The following PPFIA2 variants were observed in gnomAD, a reference collection of about 807,000 sequenced individuals.
The protein encoded by PPFIA2 is PPFI scaffold protein A2.
Under a neutral mutation model 175.5 loss-of-function variants are expected in PPFIA2, and 46 were observed. The observed-to-expected ratio is 0.26, with a 90% CI of 0.21 to 0.34. PPFIA2 has a LOEUF of 0.34. Ranked by LOEUF, PPFIA2 falls within the 10% of genes least tolerant of loss-of-function variation. PPFIA2 has a pLI of 1.00. For synonymous variants in PPFIA2, 568 were observed against 511.4 expected (o/e 1.11, Z -1.49); for missense variants, 1,179 against 1,506.1 (o/e 0.78, Z 3.60).
intron 4 of PPFIA2, among the ~76,000 whole-genome samples, chr12:81,618,409 T>A (rs1055008542): frequency 6.6e-6 from 1 of 152,018 alleles, no homozygotes; most frequent in Admixed American, 6.6e-5. Context: ...TAGTTAGCTT[T>A]AGCTAATGAT....
intron 24 of PPFIA2, among the ~76,000 whole-genome samples, chr12:81,289,026 C>A (rs1038580390): frequency 1.3e-5 from 2 of 151,742 alleles, no homozygotes; most frequent in African/African-American, 2.4e-5. Flanking sequence ...TAGGAGAAAA[C>A]CCACATAGGA....
chr12:81,552,676 GATA>G (rs1469904111), intron 4 of PPFIA2, among the ~76,000 whole-genome samples: 1 of 151,936 alleles, frequency 6.6e-6, no homozygotes, highest in Non-Finnish European at 1.5e-5. Context: ...TTTCCAAAAT[GATA>G]ATAATTCAAA....
chr12:81,728,428 C>A (rs1013911204), intron 3 of PPFIA2, among the ~76,000 whole-genome samples: 1 of 151,394 alleles, frequency 6.6e-6, no homozygotes, highest in Non-Finnish European at 1.5e-5. Context: ...CACTTTCAAT[C>A]ATTTATGTTT....
At chr12:81,580,674 A>G (rs1273457552) in intron 4 of PPFIA2, among the ~76,000 whole-genome samples, 1 of 151,734 alleles carries the variant, frequency 6.6e-6, no homozygotes, top group Non-Finnish European at 1.5e-5. Flanking sequence ...ATCAACAACT[A>G]CACACATGCA....
chr12:81,607,888 G>C (rs947506217), intron 4 of PPFIA2, among the ~76,000 whole-genome samples: 1 of 152,046 alleles, frequency 6.6e-6, no homozygotes, highest in Admixed American at 6.6e-5. Flanking sequence ...CAAGGGGGAC[G>C]GTTCTAGTTT....
intron 4 of PPFIA2, among the ~76,000 whole-genome samples, chr12:81,603,825 TA>T (rs60363527): frequency 0.27 from 28,204 of 103,174 alleles, 3,100 homozygotes; most frequent in Admixed American, 0.35. Context: ...CTATTCTGAC[TA>T]AAAAAAAAAA....
At chr12:81,335,485 G>A (rs997797509) in intron 21 of PPFIA2, among the ~76,000 whole-genome samples, 7 of 152,238 alleles carry the variant, frequency 4.6e-5, no homozygotes, top group African/African-American at 1.7e-4. Context: ...GCTCATGCTT[G>A]TAATCCCAGC....
intron 3 of PPFIA2, among the ~76,000 whole-genome samples, chr12:81,709,808 A>G (rs959105595): frequency 4.6e-5 from 7 of 152,038 alleles, no homozygotes; most frequent in African/African-American, 1.4e-4. Flanking sequence ...TTTTAAATAG[A>G]TATTTTTCAC....
intron 4 of PPFIA2, among the ~76,000 whole-genome samples, chr12:81,572,776 A>G (rs1318444558): frequency 3.3e-5 from 5 of 151,942 alleles, no homozygotes; most frequent in Non-Finnish European, 7.4e-5. Flanking sequence ...AGATCCTTTG[A>G]AGAACTGGCT....
intron 4 of PPFIA2, among the ~76,000 whole-genome samples, chr12:81,645,813 G>C (rs1451802796): frequency 6.6e-6 from 1 of 152,206 alleles, no homozygotes; most frequent in Admixed American, 6.6e-5. Context: ...CAGAATTCCT[G>C]AGGGCACCAT....
In PPFIA2 at chr12:81,457,832, C is replaced by T; in HGVS notation, c.338G>A (p.Cys113Tyr). ...TTCCTTTTCTAGAAGTTGTTCCCTG[C>T]AGGCATTTAATTCTTTTGTCAGTGC... The part of the protein sequence containing the change: ...FAALTKELNA[C>Y]REQLLEKEEE... The change falls in exon 5 of 33, where the codon TGC becomes TAC. Residue 113 changes from cysteine to tyrosine, a missense_variant. Cys to Tyr is a radical substitution (Grantham distance 194). Transcript: ENST00000549396. 1.2e-6 allele frequency: 2 copies of T among 1,608,870 alleles called. No individual in the cohort carries two copies. Among genetic ancestry groups the T allele is most frequent in the Non-Finnish European group, 1.7e-6 (2 of 1,177,734 alleles).
intron 4 of PPFIA2, among the ~76,000 whole-genome samples, chr12:81,634,693 G>A (rs1225643730): frequency 6.6e-6 from 1 of 152,044 alleles, no homozygotes; most frequent in African/African-American, 2.4e-5. Flanking sequence ...TTAGTTTTGA[G>A]AACCACATGA....
chr12:81,758,144 C>A (rs899291876), intron 2 of PPFIA2, among the ~76,000 whole-genome samples: 4 of 152,142 alleles, frequency 2.6e-5, no homozygotes, highest in Non-Finnish European at 4.4e-5. Context: ...CTCAGCCACA[C>A]CCCCCACCAC....
At chr12:81,690,170 T>C (rs2075050703) in intron 3 of PPFIA2, among the ~76,000 whole-genome samples, 1 of 152,080 alleles carries the variant, frequency 6.6e-6, no homozygotes, top group African/African-American at 2.4e-5. Context: ...GGATTGTGAA[T>C]CTTGAATGCA....
intron 4 of PPFIA2, among the ~76,000 whole-genome samples, chr12:81,548,014 T>G (rs143930512): frequency 0.012 from 1,889 of 152,344 alleles, 28 homozygotes; most frequent in Admixed American, 0.013. Flanking sequence ...CTAGGTACTA[T>G]AGCAAGTGCT....
At chr12:81,348,629 G>C (rs1962123) in intron 17 of PPFIA2, among the ~76,000 whole-genome samples, 1 of 151,722 alleles carries the variant, frequency 6.6e-6, no homozygotes. Flanking sequence ...CCAGCTACTC[G>C]GGAGGCTGAA....
rs1259651449 is a variant in PPFIA2 at position 81,642,738 on chromosome 12, T to C, written c.303+34053A>G. Among the ~76,000 whole-genome samples the C allele has an allele frequency of 2.8e-3, 131 of 47,594 alleles. 42 individuals are homozygous for C. The highest frequency in any genetic ancestry group is 8.0e-3 in the African/African-American group (121 of 15,110). The allele number at this position is 47,594 out of a possible 152,430, so 31.2% of individuals were successfully genotyped here. A position where few individuals can be genotyped will look rare whatever the true frequency, so the allele number is the denominator to read the frequency against. On this transcript the variant is annotated intron_variant, in intron 4 of 32. Transcript: ENST00000549396. ...TGTATTATATACATACATGTATATG[T>C]ATGTATGTATTATATACATACATGT... is the stretch of plus-strand genomic sequence containing the variant.
rs2034409654 is a variant in PPFIA2 at position 81,369,192 on chromosome 12, A to G, written c.1269T>C (p.Ala423=). Reference sequence around the variant, plus strand: ...CTTCAATATTTCCATGTCTCTCTTCAGCCTGTTAAGAAATATGAAGAATAC... The same window carrying G: ...CTTCAATATTTCCATGTCTCTCTTCGGCCTGTTAAGAAATATGAAGAATAC... ...LAQRIAALTK[A]EERHGNIEER... is the part of the protein sequence containing the mutation. Residue 423 remains alanine, a splice_region_variant and synonymous_variant, in exon 12 of 33, where the codon GCT becomes GCC. Coordinates refer to ENST00000549396, the MANE Select transcript of PPFIA2 (RefSeq NM_003625.5). 7 of 1,607,384 alleles carry G rather than the reference A, an allele frequency of 4.4e-6. No individual in the cohort carries two copies. The highest frequency in any genetic ancestry group is 2.2e-5 in the East Asian group (1 of 44,522).
At chr12:81,642,775 T>TGTATATATTATATACATACATGTAC (rs2065405675) in intron 4 of PPFIA2, among the ~76,000 whole-genome samples, 1 of 94,438 alleles carries the variant, frequency 1.1e-5, no homozygotes, top group African/African-American at 3.4e-5. Context: ...TATGTATGTA[T>TGTATATATTATATACATACATGTAC]GTATTATATA....
Sources: gnomAD v4.1 joint callset for allele counts (sites outside exome capture counted in the v4.1 genomes callset) on GRCh38, gnomAD v4.1.1 for gene constraint, MANE v1.5 for transcripts, NCBI Gene and HGNC (gene_info 2026-07-23, HGNC 2026-07-21) for gene names.